The following TNPO3 variants were observed in gnomAD, a reference collection of about 807,000 sequenced individuals.
TNPO3 encodes the protein transportin-3.
Under a neutral mutation model 122.8 loss-of-function variants are expected in TNPO3, and 65 were observed. The observed-to-expected ratio is 0.53, with a 90% CI of 0.43 to 0.65. The LOEUF is 0.65. Ranked by LOEUF, TNPO3 falls within the 30% of genes least tolerant of loss-of-function variation. TNPO3 has a pLI of 0.00. For synonymous variants in TNPO3, 372 were observed against 411.2 expected (o/e 0.90, Z 1.15); for missense variants, 850 against 1,136.7 (o/e 0.75, Z 3.63).
intron 1 of TNPO3, among the ~76,000 whole-genome samples, chr7:129,020,530 T>C (rs1804362060): frequency 6.6e-6 from 1 of 152,212 alleles, no homozygotes; most frequent in South Asian, 2.1e-4. Context: ...AGCCTCAACC[T>C]CCTGAGCTCA....
At chr7:129,025,247 G>C (rs1470861863) in intron 1 of TNPO3, among the ~76,000 whole-genome samples, 1 of 150,746 alleles carries the variant, frequency 6.6e-6, no homozygotes, top group Non-Finnish European at 1.5e-5. Context: ...CTACTCAGGA[G>C]GCTGAGGCAG....
intron 16 of TNPO3, among the ~76,000 whole-genome samples, chr7:128,976,323 A>G (rs1378217813): frequency 6.6e-6 from 1 of 152,240 alleles, no homozygotes; most frequent in African/African-American, 2.4e-5. Context: ...GGAAAACAGT[A>G]TCAAACACCT....
At chr7:129,056,110 C>G, upstream of TNPO3, 1 of 1,101,202 alleles carries the variant, frequency 9.1e-7, no homozygotes, top group Non-Finnish European at 1.4e-6. Context: ...ACTCAGAACG[C>G]GGCCACTGTG....
intron 9 of TNPO3, among the ~76,000 whole-genome samples, chr7:128,993,582 TACAG>T (rs1800982146): frequency 6.6e-6 from 1 of 152,226 alleles, no homozygotes; most frequent in Admixed American, 6.5e-5. Context: ...AGTGCAAGCA[TACAG>T]AGTAAACCAT....
At chr7:128,993,963 C>T in intron 8 of TNPO3, 49 bp from the exon 9 acceptor site, 1 of 1,490,900 alleles carries the variant, frequency 6.7e-7, no homozygotes, top group African/African-American at 1.4e-5. Flanking sequence ...CTGCGGCTTT[C>T]AATGACCTCT....
intron 5 of TNPO3, among the ~76,000 whole-genome samples, chr7:129,004,154 A>C (rs745798236): frequency 2.0e-5 from 3 of 152,204 alleles, no homozygotes; most frequent in Non-Finnish European, 4.4e-5. Flanking sequence ...GACATGCCAA[A>C]TGTCTCCTTG....
intron 7 of TNPO3, 38 bp downstream of exon 7, chr7:129,000,391 C>T (rs769129083): frequency 1.9e-6 from 3 of 1,545,308 alleles, no homozygotes; most frequent in Non-Finnish European, 1.8e-6. Flanking sequence ...CAGCACACAA[C>T]TTGGAGAATA....
At chr7:129,013,516 G>A (rs1563103071) in intron 4 of TNPO3, among the ~76,000 whole-genome samples, 1 of 151,936 alleles carries the variant, frequency 6.6e-6, no homozygotes, top group East Asian at 1.9e-4. Flanking sequence ...AAAAGGGAAC[G>A]CTCTGGAATG....
At chr7:129,031,979 G>T (rs987088258) in intron 1 of TNPO3, among the ~76,000 whole-genome samples, 1 of 152,012 alleles carries the variant, frequency 6.6e-6, no homozygotes, top group African/African-American at 2.4e-5. Flanking sequence ...GAGCCATCAC[G>T]CCTGGCTTTT....
At chr7:128,966,473 T>C (rs1258330518) in intron 21 of TNPO3, among the ~76,000 whole-genome samples, 1 of 152,228 alleles carries the variant, frequency 6.6e-6, no homozygotes, top group Non-Finnish European at 1.5e-5. Context: ...CTTAAGTTGC[T>C]GTCATTACCA....
upstream of TNPO3, chr7:129,056,076 A>C: frequency 3.4e-6 from 4 of 1,162,564 alleles, no homozygotes; most frequent in East Asian, 9.5e-5. Context: ...CGGGCGGAAG[A>C]AATGTCTGGG....
chr7:128,987,199 C>T (rs894680008), intron 11 of TNPO3, among the ~76,000 whole-genome samples: 1 of 152,126 alleles, frequency 6.6e-6, no homozygotes, highest in East Asian at 1.9e-4. Context: ...AGTTTGTAAA[C>T]CACTGACTTA....
In TNPO3 at chr7:128,974,970, A is replaced by G. The variant is rs773991624; in HGVS notation, c.2179-8T>C. On this transcript the variant is annotated splice_polypyrimidine_tract_variant and splice_region_variant and intron_variant, in intron 17 of 22. Coordinates refer to ENST00000265388, the MANE Select transcript of TNPO3 (RefSeq NM_012470.4). ...GGTGGGGATGCACAGTGCCTAAAACAAAACAGTGATTTTAAAAGAAATGCT... is the reference window on the plus strand; with the variant it reads ...GGTGGGGATGCACAGTGCCTAAAACGAAACAGTGATTTTAAAAGAAATGCT... 7 of 1,611,054 alleles carry G rather than the reference A, an allele frequency of 4.3e-6. No individual in the cohort carries two copies. Among genetic ancestry groups the G allele is most frequent in the African/African-American group, 2.7e-5 (2 of 75,006 alleles).
chr7:129,005,311 T>C, intron 4 of TNPO3, 152 bp from the exon 5 acceptor site: 1 of 744,726 alleles, frequency 1.3e-6, no homozygotes, highest in Non-Finnish European at 2.1e-6. Context: ...ACTGTTTTTT[T>C]TTTTTCCTTT....
intron 22 of TNPO3, 59 bp from the exon 23 acceptor site, chr7:128,955,444 T>C (rs1796808310): frequency 1.4e-5 from 6 of 420,404 alleles, no homozygotes; most frequent in South Asian, 8.4e-5. Context: ...TTTAGTAAAA[T>C]CAACCTTAAG....
intron 1 of TNPO3, among the ~76,000 whole-genome samples, chr7:129,036,943 C>T (rs1246515334): frequency 6.6e-6 from 1 of 151,948 alleles, no homozygotes; most frequent in Non-Finnish European, 1.5e-5. Flanking sequence ...AAGACTGAAG[C>T]ACAAAGTCAA....
At chr7:128,958,578 G>A (rs1454182202) in intron 21 of TNPO3, among the ~76,000 whole-genome samples, 1 of 152,186 alleles carries the variant, frequency 6.6e-6, no homozygotes, top group Non-Finnish European at 1.5e-5. Context: ...AAACACCAGG[G>A]GAGGAAACTG....
Position 128,974,851 on chromosome 7 carries a change from T to A in TNPO3, c.2273+17A>T. 1 of 1,602,696 alleles carries A rather than the reference T, an allele frequency of 6.2e-7. No individual in the cohort carries two copies. The highest frequency in any genetic ancestry group is 1.3e-5 in the African/African-American group (1 of 74,798). On this transcript the variant is annotated intron_variant, in intron 18 of 22. Coordinates refer to ENST00000265388, the MANE Select transcript of TNPO3 (RefSeq NM_012470.4). ...TAGGATGAGCAATTAAGAAATGGGCTCTTCAGAAGGATTTACCTGGTGGCT... is the reference window on the plus strand; with the variant it reads ...TAGGATGAGCAATTAAGAAATGGGCACTTCAGAAGGATTTACCTGGTGGCT...
At chr7:128,962,999 T>A (rs945771179) in intron 21 of TNPO3, among the ~76,000 whole-genome samples, 1 of 152,186 alleles carries the variant, frequency 6.6e-6, no homozygotes, top group African/African-American at 2.4e-5. Flanking sequence ...TGTGTGGGAT[T>A]CCAGAATGTG....
Sources: gnomAD v4.1 joint callset for allele counts (sites outside exome capture counted in the v4.1 genomes callset) on GRCh38, gnomAD v4.1.1 for gene constraint, MANE v1.5 for transcripts, NCBI Gene and HGNC (gene_info 2026-07-23, HGNC 2026-07-21) for gene names.